KDM4A: variants seen among roughly 807,000 people sequenced by gnomAD.
KDM4A encodes the protein lysine-specific demethylase 4A.
In KDM4A, 23 loss-of-function variants were observed where a neutral mutation model predicts 127.1. That is an observed-to-expected ratio of 0.18 (90% CI 0.13 to 0.26). The LOEUF is 0.26. KDM4A is among the 10% of genes least tolerant of loss of function. KDM4A has a pLI of 1.00. For missense variants in KDM4A, 890 were observed against 1,329.1 expected, an observed-to-expected ratio of 0.67 and a Z score of 5.14; for synonymous variants, 443 against 466.5, an observed-to-expected ratio of 0.95 and a Z score of 0.65.
chr1:43,669,423 T>C (rs1660570037), intron 10 of KDM4A, 124 bp downstream of exon 10: 2 of 960,464 alleles, frequency 2.1e-6, no homozygotes, highest in East Asian at 2.4e-5. Context: ...GCAGATAGCA[T>C]ACTTGGAGTG....
Position 43,692,294 on chromosome 1 carries a change from G to T in KDM4A, c.2358G>T (p.Gln786His). The part of the protein sequence containing the change: ...CLCSLRGGAL[Q>H]RANDDRWVHV... ...GCTCATTACGAGGAGGGGCCCTGCAGAGAGCAAATGATGACAGGTAAGTTT... is the reference window on the plus strand; with the variant it reads ...GCTCATTACGAGGAGGGGCCCTGCATAGAGCAAATGATGACAGGTAAGTTT... The change falls in exon 16 of 22, where the codon CAG becomes CAT. Residue 786 changes from glutamine (Q) to histidine (H), a missense_variant. Gln to His is a conservative substitution (Grantham distance 24). This residue lies in a region of KDM4A where 246 missense variants were observed against 418.4 expected (regional missense o/e 0.59). Coordinates refer to ENST00000372396, the MANE Select transcript of KDM4A (RefSeq NM_014663.3). 6.2e-7 allele frequency: 1 copy of T among 1,614,160 alleles called. No individual in the cohort carries two copies. Among genetic ancestry groups the T allele is most frequent in the South Asian group, 1.1e-5 (1 of 91,078 alleles).
intron 12 of KDM4A, among the ~76,000 whole-genome samples, chr1:43,684,360 G>A (rs1660922322): frequency 6.6e-6 from 1 of 152,188 alleles, no homozygotes. Flanking sequence ...AAAAGTAGCC[G>A]GGTGTCATGG....
At chr1:43,702,606 C>T (rs963271312) in intron 19 of KDM4A, 1 of 152,182 alleles carries the variant, frequency 6.6e-6, no homozygotes, top group Non-Finnish European at 1.5e-5. Context: ...AATATCCCCC[C>T]GTATACCAAG....
In KDM4A at chr1:43,704,518, A is replaced by G; in HGVS notation, c.*148A>G. ...TAACCGACCCATCATCTTCTCACCC[A>G]CCCTCATTGCATTCCGCTGTAGTGA... On this transcript the variant is annotated 3_prime_UTR_variant, in exon 22 of 22. Transcript: ENST00000372396. 1 of 829,222 alleles carries G rather than the reference A, an allele frequency of 1.2e-6. No individual in the cohort carries two copies. Among genetic ancestry groups the G allele is most frequent in the East Asian group, 2.6e-5 (1 of 38,976 alleles). The allele number at this position is 829,222 out of a possible 1,614,324, so 51.4% of individuals were successfully genotyped here.
intron 11 of KDM4A, among the ~76,000 whole-genome samples, chr1:43,682,972 TTC>T (rs1334877477): frequency 6.6e-6 from 1 of 152,222 alleles, no homozygotes; most frequent in African/African-American, 2.4e-5. Flanking sequence ...TCTGTAGTGT[TTC>T]TGAGTCAATC....
chr1:43,670,788 C>T (rs1256093958), intron 10 of KDM4A, among the ~76,000 whole-genome samples: 1 of 152,100 alleles, frequency 6.6e-6, no homozygotes, highest in Non-Finnish European at 1.5e-5. Flanking sequence ...GTCTCGATCT[C>T]CTGACATCGT....
chr1:43,652,260 G>A (rs1282921275), intron 1 of KDM4A, among the ~76,000 whole-genome samples: 1 of 152,224 alleles, frequency 6.6e-6, no homozygotes, highest in Admixed American at 6.5e-5. Flanking sequence ...TAATAAGGGA[G>A]TAGCTTGAAA....
chr1:43,683,391 CCT>C (rs942778337), intron 11 of KDM4A, among the ~76,000 whole-genome samples: 2 of 152,182 alleles, frequency 1.3e-5, no homozygotes, highest in Admixed American at 6.5e-5. Flanking sequence ...ACCGGGCAAG[CCT>C]CTCTCAGAGC....
Position 43,704,091 on chromosome 1 carries a change from C to G in KDM4A, c.3033C>G (p.Pro1011=). Residue 1011 remains proline (P), a synonymous_variant, in exon 21 of 22, where the codon CCC becomes CCG. Coordinates refer to ENST00000372396, the MANE Select transcript of KDM4A (RefSeq NM_014663.3). Reference sequence around the variant, plus strand: ...TATACACACTGGATGAAGAGCTTCCCAAGAGAGTCAAATCTAGACTGGTGA... The same window carrying G: ...TATACACACTGGATGAAGAGCTTCCGAAGAGAGTCAAATCTAGACTGGTGA... ...DDVYTLDEEL[P]KRVKSRLSVA... is the part of the protein sequence containing the mutation. The G allele has an allele frequency of 6.2e-7, 1 of 1,614,024 alleles. No homozygotes were observed. The highest frequency in any genetic ancestry group is 2.2e-5 in the East Asian group (1 of 44,876).
rs145772962 is a variant in KDM4A at position 43,680,889 on chromosome 1, T to G, written c.1735-2795T>G. ...TCCTTTACCATGTTAGAATAACATA[T>G]TCACAGGGATTGGGATGTGGGCATA... is the stretch of plus-strand genomic sequence containing the variant. On this transcript the variant is annotated intron_variant, in intron 11 of 21. Transcript: ENST00000372396. 3.3e-3 allele frequency among the ~76,000 whole-genome samples: 510 copies of G among 152,354 alleles called. 5 individuals carry two copies. The highest frequency in any genetic ancestry group is 3.4e-3 in the Middle Eastern group (1 of 294).
At chr1:43,672,873 G>A (rs921115109) in intron 11 of KDM4A, among the ~76,000 whole-genome samples, 2 of 152,182 alleles carry the variant, frequency 1.3e-5, no homozygotes, top group Non-Finnish European at 2.9e-5. Context: ...GCTGCTGTTG[G>A]AGCCCACGTG....
At position 43,704,334 on chromosome 1, in the gene KDM4A, T is replaced by C. The variant is rs747116677; in HGVS notation, c.3159T>C (p.Tyr1053=). The C allele has an allele frequency of 6.2e-7, 1 of 1,613,926 alleles. No homozygotes were observed. Among genetic ancestry groups the C allele is most frequent in the Admixed American group, 1.7e-5 (1 of 60,018 alleles). The stretch of plus-strand genomic sequence containing the variant: ...TCAACTCAAGATACCGGGAAGATTA[T>C]ATTGAGCCTGCACTATACCGGGCCA... ...RVINSRYRED[Y]IEPALYRAIM... is the part of the protein sequence containing the mutation. Residue 1053 remains tyrosine (Y), a synonymous_variant, in exon 22 of 22, where the codon TAT becomes TAC. Transcript: ENST00000372396.
At chr1:43,655,507 T>C in intron 2 of KDM4A, 84 bp from the exon 3 acceptor site, 3 of 1,195,538 alleles carry the variant, frequency 2.5e-6, no homozygotes, top group South Asian at 1.5e-5. Flanking sequence ...GACTGTTAGG[T>C]TGGCTGGTAA....
intron 4 of KDM4A, among the ~76,000 whole-genome samples, chr1:43,662,125 A>G (rs563685795): frequency 5.6e-4 from 85 of 150,628 alleles, no homozygotes; most frequent in African/African-American, 2.0e-3. Context: ...ATGGTCTTGA[A>G]CTCCTGGGCT....
chr1:43,653,598 G>T, intron 2 of KDM4A: 1 of 243,414 alleles, frequency 4.1e-6, no homozygotes, highest in Non-Finnish European at 8.0e-6. Flanking sequence ...GGAGCTGGGT[G>T]CTGTGGTGTT....
Position 43,693,902 on chromosome 1 carries a change from G to C in KDM4A, c.2376-92G>C. ...CTGGTGGAAGTCAGTGGTCACCCAG[G>C]TGAGGGAGGAAGCGCTGTCAGCAGG... On this transcript the variant is annotated intron_variant, in intron 16 of 21. Coordinates refer to ENST00000372396, the MANE Select transcript of KDM4A (RefSeq NM_014663.3). The surrounding 1 kb of genome is among the most constrained non-coding windows in gnomAD (Gnocchi z 4.2). 1.0e-6 allele frequency: 1 copy of C among 975,428 alleles called. No homozygotes were observed. The highest frequency in any genetic ancestry group is 1.6e-6 in the Non-Finnish European group (1 of 623,998). 60.4% of individuals were successfully genotyped at this position (975,428 alleles called of 1,614,324 possible). A position where few individuals can be genotyped will look rare whatever the true frequency, so the allele number is the denominator to read the frequency against.
chr1:43,676,237 C>T (rs1408064417), intron 11 of KDM4A, among the ~76,000 whole-genome samples: 1 of 152,128 alleles, frequency 6.6e-6, no homozygotes, highest in South Asian at 2.1e-4. Context: ...CTGCAATGAG[C>T]CGTGACTGTA....
intron 1 of KDM4A, among the ~76,000 whole-genome samples, chr1:43,651,945 A>G (rs1010872344): frequency 6.6e-6 from 1 of 152,236 alleles, no homozygotes; most frequent in East Asian, 1.9e-4. Context: ...TTCATTAAGT[A>G]CTGCTGAAAC....
chr1:43,704,194 G>T, intron 21 of KDM4A, 36 bp from the exon 22 acceptor site: 1 of 1,613,896 alleles, frequency 6.2e-7, no homozygotes. Flanking sequence ...ATTGTTCCTG[G>T]GGTAGCTGAC....
Sources: gnomAD v4.1 joint callset for allele counts (sites outside exome capture counted in the v4.1 genomes callset) on GRCh38, gnomAD v4.1.1 for gene constraint, gnomAD v4.1.1 regional missense constraint, Gnocchi (gnomAD v3.1) non-coding constraint, MANE v1.5 for transcripts, NCBI Gene and HGNC (gene_info 2026-07-23, HGNC 2026-07-21) for gene names.